The following PHLDB2 variants were observed in gnomAD, a reference collection of about 807,000 sequenced individuals.
PHLDB2 encodes pleckstrin homology like domain family B member 2.
PHLDB2 carries 71 observed loss-of-function variants against 123.6 expected under a neutral mutation model. That is an observed-to-expected ratio of 0.57 (90% CI 0.47 to 0.70). The LOEUF (loss-of-function observed/expected upper bound fraction) is 0.70. PHLDB2 is among the 30% of genes least tolerant of loss of function. The probability of loss-of-function intolerance (pLI) is 0.00; values close to 1 mark genes in which losing one functional copy is unlikely to be tolerated. For missense variants in PHLDB2, 1,446 were observed against 1,519.5 expected (o/e 0.95, Z 0.80); for synonymous variants, 547 against 541.6 (o/e 1.01, Z -0.14).
intron 1 of PHLDB2, among the ~76,000 whole-genome samples, chr3:111,769,629 T>C (rs1218566970): frequency 6.6e-6 from 1 of 152,254 alleles, no homozygotes; most frequent in Non-Finnish European, 1.5e-5. Flanking sequence ...GTTAGGGAAC[T>C]GGAGTTCCTC....
chr3:111,834,300 A>G (rs1160852191), intron 1 of PHLDB2, among the ~76,000 whole-genome samples: 2 of 136,538 alleles, frequency 1.5e-5, no homozygotes, highest in Admixed American at 7.7e-5. Context: ...TATATACATA[A>G]TATATATAAT....
intron 15 of PHLDB2, 83 bp from the exon 16 acceptor site, chr3:111,969,607 G>A: frequency 2.7e-6 from 3 of 1,123,914 alleles, no homozygotes; most frequent in South Asian, 2.8e-5. Flanking sequence ...AGGTTTTACA[G>A]TTAATTTCTG....
In PHLDB2 at chr3:111,884,569, T is replaced by A. The variant is rs1298401095; in HGVS notation, c.492T>A (p.Leu164=). 1 of 1,614,092 alleles carries A rather than the reference T, an allele frequency of 6.2e-7. No homozygotes were observed. Among genetic ancestry groups the A allele is most frequent in the East Asian group, 2.2e-5 (1 of 44,868 alleles). ...AATCGCATGACAATGTCTACTCTCT[T>A]GGAGGGCTGGAAGGTCGGAAGGCAT... is the stretch of plus-strand genomic sequence containing the variant. The part of the protein sequence containing the change: ...RHKSHDNVYS[L]GGLEGRKASG... The change falls in exon 2 of 18, where the codon CTT becomes CTA. Residue 164 remains leucine (L), a synonymous_variant. Transcript: ENST00000431670.
intron 2 of PHLDB2, among the ~76,000 whole-genome samples, chr3:111,850,194 G>C (rs2064190232): frequency 2.6e-5 from 4 of 152,212 alleles, no homozygotes; most frequent in Middle Eastern, 3.4e-3. Context: ...AAATAACAGG[G>C]GTGGAAAACT....
intron 12 of PHLDB2, among the ~76,000 whole-genome samples, chr3:111,957,723 G>A (rs1344421666): frequency 6.6e-6 from 1 of 152,232 alleles, no homozygotes; most frequent in African/African-American, 2.4e-5. Flanking sequence ...GAAAGACTTA[G>A]TGGAGAGTGA....
intron 1 of PHLDB2, among the ~76,000 whole-genome samples, chr3:111,882,689 A>G (rs1178531989): frequency 6.6e-6 from 1 of 152,200 alleles, no homozygotes; most frequent in East Asian, 1.9e-4. Flanking sequence ...ACCAGGATTT[A>G]TGCAGCCAGA....
intron 2 of PHLDB2, among the ~76,000 whole-genome samples, chr3:111,895,433 A>G (rs2066779809): frequency 6.6e-6 from 1 of 152,242 alleles, no homozygotes; most frequent in South Asian, 2.1e-4. Flanking sequence ...ATTCTTTTTT[A>G]AAATCATAAA....
chr3:111,824,737 G>A (rs372294060), intron 1 of PHLDB2, among the ~76,000 whole-genome samples: 12 of 152,314 alleles, frequency 7.9e-5, no homozygotes, highest in African/African-American at 2.6e-4. Context: ...ATAGTTACAC[G>A]AGTCGATGGT....
At position 111,930,198 on chromosome 3, in the gene PHLDB2, AT is replaced by A. The variant is rs879273993; in HGVS notation, c.2002-2062del. Among the ~76,000 whole-genome samples the A allele has an allele frequency of 9.1e-4, 138 of 151,168 alleles. 1 individual carries two copies. The highest frequency in any genetic ancestry group is 1.4e-3 in the Non-Finnish European group (98 of 67,766). The stretch of plus-strand genomic sequence containing the variant: ...AGTGCTGGGATTACAGGCATGAAAG[AT>A]TTTTTTTTATTAGTTGTTGATTTGA... On this transcript the variant is annotated intron_variant, in intron 5 of 17. Transcript: ENST00000431670.
intron 5 of PHLDB2, among the ~76,000 whole-genome samples, chr3:111,923,780 T>C (rs2068659670): frequency 6.6e-6 from 1 of 152,228 alleles, no homozygotes; most frequent in African/African-American, 2.4e-5. Flanking sequence ...AGCTTGTTTC[T>C]TGATTGCTTC....
chr3:111,743,127 G>T (rs1198406591), intron 1 of PHLDB2, among the ~76,000 whole-genome samples: 1 of 152,118 alleles, frequency 6.6e-6, no homozygotes, highest in Non-Finnish European at 1.5e-5. Context: ...AAAAATCCAG[G>T]CTATGAAGAA....
intron 7 of PHLDB2, 106 bp from the exon 8 acceptor site, chr3:111,940,429 A>C (rs949182817): frequency 5.4e-6 from 3 of 555,746 alleles, no homozygotes; most frequent in Non-Finnish European, 9.6e-6. Flanking sequence ...AAATGTAGTC[A>C]CTGTTATTCC....
intron 1 of PHLDB2, among the ~76,000 whole-genome samples, chr3:111,871,640 C>T (rs1427477791): frequency 6.8e-6 from 1 of 147,484 alleles, no homozygotes; most frequent in African/African-American, 2.5e-5. Flanking sequence ...GGTGACAGAC[C>T]CTGTTAAAAA....
At chr3:111,828,475 T>C (rs2062774082) in intron 1 of PHLDB2, among the ~76,000 whole-genome samples, 1 of 152,180 alleles carries the variant, frequency 6.6e-6, no homozygotes, top group Admixed American at 6.5e-5. Context: ...ATTTTATGAA[T>C]ATTTTTAAAT....
intron 16 of PHLDB2, among the ~76,000 whole-genome samples, chr3:111,973,335 A>C (rs2072335872): frequency 6.6e-6 from 1 of 152,192 alleles, no homozygotes; most frequent in Non-Finnish European, 1.5e-5. Flanking sequence ...CTTTGTAAAA[A>C]TTTTATTACA....
upstream of PHLDB2, among the ~76,000 whole-genome samples, chr3:111,858,493 C>T (rs982208485): frequency 6.6e-6 from 1 of 152,304 alleles, no homozygotes; most frequent in African/African-American, 2.4e-5. Flanking sequence ...TTAAAAAAGA[C>T]ATTCCGTAGG....
chr3:111,737,741 C>T (rs973609229), intron 1 of PHLDB2, among the ~76,000 whole-genome samples: 2 of 151,814 alleles, frequency 1.3e-5, no homozygotes, highest in African/African-American at 4.8e-5. Context: ...GCAGAGAACT[C>T]TAACTAGGCA....
At chr3:111,857,460 A>AGAAAAG (rs769250447), upstream of PHLDB2, among the ~76,000 whole-genome samples, 1 of 81,044 alleles carries the variant, frequency 1.2e-5, no homozygotes, top group Admixed American at 1.4e-4. Flanking sequence ...CAAAAAAAAA[A>AGAAAAG]AAAAGAAAAG....
chr3:111,972,319 A>C (rs1369175413), intron 16 of PHLDB2, among the ~76,000 whole-genome samples: 10 of 152,196 alleles, frequency 6.6e-5, no homozygotes, highest in Non-Finnish European at 1.5e-4. Flanking sequence ...AAACAAAGAA[A>C]AAAATATCGT....
Sources: allele counts gnomAD v4.1 joint callset (sites outside exome capture counted in the v4.1 genomes callset), GRCh38; gene constraint gnomAD v4.1.1; transcripts MANE v1.5; gene names NCBI Gene and HGNC (gene_info 2026-07-23, HGNC 2026-07-21).